The following CHD2 variants were observed in gnomAD, a reference collection of about 807,000 sequenced individuals.
CHD2 encodes the protein ATP-dependent chromatin remodeler CHD2.
In CHD2, 28 loss-of-function variants were observed where a neutral mutation model predicts 243.9. The observed-to-expected ratio is 0.11, with a 90% confidence interval of 0.09 to 0.16. The LOEUF (loss-of-function observed/expected upper bound fraction) is 0.16, where lower values mean the gene tolerates loss of function less well. CHD2 is among the 10% of genes least tolerant of loss of function. CHD2 has a pLI of 1.00. For synonymous variants in CHD2, 775 were observed against 779.0 expected, an observed-to-expected ratio of 0.99 and a Z score of 0.09; for missense variants, 1,386 against 2,209.8, an observed-to-expected ratio of 0.63 and a Z score of 7.47.
At chr15:92,931,017 A>G (rs987065695) in intron 5 of CHD2, among the ~76,000 whole-genome samples, 5 of 152,144 alleles carry the variant, frequency 3.3e-5, no homozygotes, top group Non-Finnish European at 7.4e-5. Context: ...GAGATTCCTG[A>G]AAGATTAATT....
chr15:92,972,942 C>T (rs933380159), intron 19 of CHD2, among the ~76,000 whole-genome samples: 3 of 151,744 alleles, frequency 2.0e-5, no homozygotes, highest in African/African-American at 4.9e-5. Context: ...CATGAGGAGA[C>T]GATTCTTTTT....
intron 16 of CHD2, among the ~76,000 whole-genome samples, chr15:92,966,367 GAT>G (rs1412785908): frequency 3.9e-5 from 6 of 151,956 alleles, no homozygotes; most frequent in Non-Finnish European, 8.8e-5. Flanking sequence ...CCCAGCCAGA[GAT>G]AGTTCAATTT....
intron 16 of CHD2, among the ~76,000 whole-genome samples, chr15:92,963,069 A>G (rs779067412): frequency 6.6e-6 from 1 of 152,198 alleles, no homozygotes; most frequent in Non-Finnish European, 1.5e-5. Flanking sequence ...TTCTTTCTGT[A>G]AGTCTAAAAT....
intron 5 of CHD2, among the ~76,000 whole-genome samples, chr15:92,937,239 G>T (rs1201826748): frequency 2.0e-5 from 3 of 151,730 alleles, no homozygotes; most frequent in Non-Finnish European, 4.4e-5. Flanking sequence ...TCTTGTGCAT[G>T]TTATGGTTTC....
At position 92,900,836 on chromosome 15, in the gene CHD2, A is replaced by G. The variant is rs545891757; in HGVS notation, c.-72+12A>G. The G allele has an allele frequency of 5.4e-4, 221 of 407,706 alleles. No homozygotes were observed. Among genetic ancestry groups the G allele is most frequent in the Non-Finnish European group, 8.1e-4 (189 of 232,578 alleles). The allele number at this position is 407,706 out of a possible 1,614,324, so 25.3% of individuals were successfully genotyped here. The stretch of plus-strand genomic sequence containing the variant: ...ACTACATGGATCAGGTAAGTTCACG[A>G]TCATTGGTGATAATTTTAAAGATTT... On this transcript the variant is annotated intron_variant, in intron 1 of 38. Coordinates refer to ENST00000394196, the MANE Select transcript of CHD2 (RefSeq NM_001271.4).
chr15:92,902,725 A>G (rs1292767601), intron 2 of CHD2: 3 of 152,212 alleles, frequency 2.0e-5, no homozygotes, highest in African/African-American at 7.2e-5. Flanking sequence ...GAAAGTAATG[A>G]CAATTTGAAG....
In CHD2 at chr15:93,000,625, A is replaced by G. The variant is rs1567159159; in HGVS notation, c.4122A>G (p.Glu1374=). ...SSPRHSDNPS[E]EGEVKDDGLE... The stretch of plus-strand genomic sequence containing the variant: ...CTAGGCATTCAGATAATCCATCAGA[A>G]GAGGGAGAAGTGAAAGTATGAAGTG... Residue 1374 remains glutamate, a synonymous_variant, in exon 32 of 39, where the codon GAA becomes GAG. Coordinates refer to ENST00000394196, the MANE Select transcript of CHD2 (RefSeq NM_001271.4). 1 of 1,612,182 alleles carries G rather than the reference A, an allele frequency of 6.2e-7. No homozygotes were observed. Among genetic ancestry groups the G allele is most frequent in the East Asian group, 2.2e-5 (1 of 44,846 alleles).
At position 92,956,456 on chromosome 15, in the gene CHD2, T is replaced by C. The variant is rs189339982; in HGVS notation, c.1810-3T>C. 103 of 1,608,434 alleles carry C rather than the reference T, an allele frequency of 6.4e-5. No individual in the cohort carries two copies. In the African/African-American group the frequency reaches 1.2e-3, roughly 19 times the overall value. ...GGCTCGTTCTGTTTTGTTTTTACTT[T>C]AGACTGTGCTGGGCAGTATTAACTG... On this transcript the variant is annotated splice_polypyrimidine_tract_variant and splice_region_variant and intron_variant, in intron 15 of 38. Transcript: ENST00000394196.
In CHD2 at chr15:92,959,816, A is replaced by C. The variant is rs369895531; in HGVS notation, c.2000+3167A>C. 3.7e-4 allele frequency among the ~76,000 whole-genome samples: 56 copies of C among 152,346 alleles called. No individual in the cohort carries two copies. In the South Asian group the frequency reaches 0.012, roughly 32 times the overall value. On this transcript the variant is annotated intron_variant, in intron 16 of 38. Transcript: ENST00000394196. ...CTAGACTGCTTTTTAAAAATGGAGA[A>C]GTACAAGTTCCATTTTCTTCTTTTT...
intron 34 of CHD2, among the ~76,000 whole-genome samples, chr15:93,005,269 T>C (rs1033694868): frequency 1.3e-5 from 2 of 152,078 alleles, no homozygotes; most frequent in African/African-American, 2.4e-5. Flanking sequence ...GGAGGGCTTG[T>C]GTAAGGAAGT....
intron 2 of CHD2, 90 bp downstream of exon 2, chr15:92,901,389 CT>C: frequency 1.3e-6 from 1 of 785,218 alleles, no homozygotes; most frequent in South Asian, 1.5e-5. Context: ...ACATGGATTG[CT>C]GTCTGTTTTA....
At chr15:92,922,334 A>G (rs975894796) in intron 2 of CHD2, among the ~76,000 whole-genome samples, 1 of 152,222 alleles carries the variant, frequency 6.6e-6, no homozygotes, top group South Asian at 2.1e-4. Context: ...AAAATAATAC[A>G]TATAAAGTAC....
intron 38 of CHD2, chr15:93,021,790 C>T (rs1387380103): frequency 2.6e-5 from 4 of 152,320 alleles, no homozygotes; most frequent in African/African-American, 7.2e-5. Context: ...TCCTTGTCTG[C>T]GAATCTTATC....
chr15:93,006,124 CTT>C (rs55820002), intron 34 of CHD2, among the ~76,000 whole-genome samples: 6 of 125,274 alleles, frequency 4.8e-5, no homozygotes, highest in Admixed American at 8.7e-5. Context: ...CTCTCTCTCT[CTT>C]TTTTTTTTTT....
intron 24 of CHD2, among the ~76,000 whole-genome samples, chr15:92,982,877 C>T (rs1005279499): frequency 2.0e-5 from 3 of 152,100 alleles, no homozygotes; most frequent in Non-Finnish European, 2.9e-5. Flanking sequence ...TCGTCATAGT[C>T]GGTTTGGGCT....
At chr15:92,932,565 T>C (rs1483416370) in intron 5 of CHD2, among the ~76,000 whole-genome samples, 2 of 151,640 alleles carry the variant, frequency 1.3e-5, no homozygotes, top group South Asian at 2.1e-4. Context: ...GTCCTTGCGA[T>C]AGTTTGCTCA....
intron 38 of CHD2, chr15:93,021,031 C>T (rs1200840701): frequency 6.6e-6 from 1 of 152,206 alleles, no homozygotes; most frequent in Non-Finnish European, 1.5e-5. Flanking sequence ...GCATCTTGCC[C>T]TGCGTTCTTC....
chr15:92,981,265 T>G, intron 23 of CHD2, 100 bp from the exon 24 acceptor site: 1 of 769,472 alleles, frequency 1.3e-6, no homozygotes, highest in Non-Finnish European at 2.2e-6. Flanking sequence ...ATTGGTTTAT[T>G]TGCACCAAAC....
chr15:92,981,507 T>TGA, intron 24 of CHD2, 50 bp downstream of exon 24: 1 of 1,420,034 alleles, frequency 7.0e-7, no homozygotes, highest in Non-Finnish European at 9.9e-7. Flanking sequence ...TCATTAATGA[T>TGA]GACTAATGTT....
Sources: gnomAD v4.1 joint callset for allele counts (sites outside exome capture counted in the v4.1 genomes callset) on GRCh38, gnomAD v4.1.1 for gene constraint, MANE v1.5 for transcripts, NCBI Gene and HGNC (gene_info 2026-07-23, HGNC 2026-07-21) for gene names.